NRF1: variants seen among roughly 807,000 people sequenced by gnomAD.
NRF1 encodes the protein alpha palindromic-binding protein.
In NRF1, 5 loss-of-function variants were observed where a neutral mutation model predicts 58.5. That is an observed-to-expected ratio of 0.09 (90% CI 0.04 to 0.18). NRF1 has a LOEUF of 0.18. Among genes scored for constraint, NRF1 ranks in the 10% least tolerant of loss-of-function variants. The pLI, the probability that NRF1 is intolerant of heterozygous loss-of-function variation, is 1.00. For synonymous variants in NRF1, 224 were observed against 246.7 expected (o/e 0.91, Z 0.86); for missense variants, 288 against 657.7 (o/e 0.44, Z 6.15).
intron 10 of NRF1, among the ~76,000 whole-genome samples, chr7:129,745,505 A>AC (rs1803953764): frequency 6.1e-3 from 348 of 57,190 alleles, no homozygotes; most frequent in Middle Eastern, 0.01. Context: ...CATCCCCCTC[A>AC]ACCCCCCCCC....
chr7:129,666,255 C>T lies in NRF1; in HGVS notation c.224-5174C>T, dbSNP rs982521696. On this transcript the variant is annotated intron_variant, in intron 2 of 10. Coordinates refer to ENST00000393232, the MANE Select transcript of NRF1 (RefSeq NM_005011.5). ...AGTGGAACTCTTTCTAATCCTGCTC[C>T]CTTCCCTCCCTCCCTCCACTGGGGT... Among the ~76,000 whole-genome samples, 5 of 151,774 alleles carry T rather than the reference C, an allele frequency of 3.3e-5. No individual in the cohort carries two copies. In the South Asian group the frequency reaches 6.3e-4, roughly 19 times the overall value.
rs535640818 is a variant in NRF1 at position 129,741,222 on chromosome 7, C to T, written c.1349-13796C>T. On this transcript the variant is annotated intron_variant, in intron 10 of 10. Coordinates refer to ENST00000393232, the MANE Select transcript of NRF1 (RefSeq NM_005011.5). This position sits in a 1 kb window ranked among gnomAD's most constrained non-coding sequence, Gnocchi z 4.0. Reference sequence around the variant, plus strand: ...AGCCAGGGACATTCCGAGCAGACAACTCAGGTCAGGGCTTCCGGACAGATT... The same window carrying T: ...AGCCAGGGACATTCCGAGCAGACAATTCAGGTCAGGGCTTCCGGACAGATT... Among the ~76,000 whole-genome samples the T allele has an allele frequency of 1.3e-5, 2 of 152,326 alleles. No homozygotes were observed. Among genetic ancestry groups the T allele is most frequent in the East Asian group, 3.9e-4 (2 of 5,184 alleles).
Position 129,755,018 on chromosome 7 carries a change from G to C in NRF1, c.1349G>C (p.Gly450Ala). ...AACGGTCTTCTCTTTGTCTCTCCAG[G>C]CCTGGTCCAGATCCCTGTGAGCATG... ...GALTGVQDAN[G>A]LVQIPVSMYQ... Residue 450 changes from glycine to alanine, a missense_variant and splice_region_variant, in exon 11 of 11, where the codon GGC (glycine) becomes GCC (alanine). Gly to Ala is a moderately conservative substitution (Grantham distance 60, BLOSUM62 0). Transcript: ENST00000393232. The surrounding 1 kb of genome is among the most constrained non-coding windows in gnomAD (Gnocchi z 5.8). 6.2e-7 allele frequency: 1 copy of C among 1,605,268 alleles called. No homozygotes were observed. The highest frequency in any genetic ancestry group is 8.5e-7 in the Non-Finnish European group (1 of 1,176,524).
intron 1 of NRF1, among the ~76,000 whole-genome samples, chr7:129,652,625 C>T (rs1268203782): frequency 6.6e-6 from 1 of 152,104 alleles, no homozygotes; most frequent in African/African-American, 2.4e-5. Flanking sequence ...GAGACGGAGT[C>T]TCGCTCTGTC....
At chr7:129,656,456 G>T (rs935141518) in intron 1 of NRF1, among the ~76,000 whole-genome samples, 3 of 151,752 alleles carry the variant, frequency 2.0e-5, no homozygotes, top group African/African-American at 7.3e-5. Flanking sequence ...TCTGGGGTGG[G>T]GGGGAGTGGA....
At chr7:129,690,652 T>C in intron 5 of NRF1, 106 bp downstream of exon 5, 1 of 1,213,560 alleles carries the variant, frequency 8.2e-7, no homozygotes, top group Admixed American at 2.0e-5. Context: ...GACCAGGGAG[T>C]GAGATGCTGA....
At chr7:129,640,658 A>G (rs1801269720) in intron 1 of NRF1, among the ~76,000 whole-genome samples, 1 of 152,128 alleles carries the variant, frequency 6.6e-6, no homozygotes, top group South Asian at 2.1e-4. Context: ...ATGAGTGGAG[A>G]CTGTGCTCGG....
chr7:129,625,975 C>G (rs947809828), intron 1 of NRF1, among the ~76,000 whole-genome samples: 5 of 152,114 alleles, frequency 3.3e-5, no homozygotes, highest in Non-Finnish European at 7.4e-5. Context: ...AGCCACCACA[C>G]CCAGCCCCAT....
At chr7:129,671,072 TC>T (rs1802037519) in intron 2 of NRF1, among the ~76,000 whole-genome samples, 1 of 152,146 alleles carries the variant, frequency 6.6e-6, no homozygotes, top group Admixed American at 6.5e-5. Context: ...TTGGCAAACT[TC>T]TCCTCTCAGT....
At chr7:129,612,270 C>G (rs963230226) in intron 1 of NRF1, among the ~76,000 whole-genome samples, 15 of 145,470 alleles carry the variant, frequency 1.0e-4, no homozygotes, top group Non-Finnish European at 2.1e-4. Context: ...TCGGCTCGCC[C>G]CCTCGGCCCT....
intron 5 of NRF1, among the ~76,000 whole-genome samples, chr7:129,691,275 C>G (rs1324301076): frequency 6.6e-6 from 1 of 151,826 alleles, no homozygotes; most frequent in Non-Finnish European, 1.5e-5. Flanking sequence ...GAAATTATCC[C>G]CTTTATATAT....
intron 9 of NRF1, among the ~76,000 whole-genome samples, chr7:129,724,189 CT>C (rs1404350189): frequency 6.6e-6 from 1 of 152,180 alleles, no homozygotes; most frequent in Non-Finnish European, 1.5e-5. Context: ...ATGTCTAAAA[CT>C]CAACAACAAC....
chr7:129,615,253 G>A (rs1218451916), intron 1 of NRF1, among the ~76,000 whole-genome samples: 3 of 152,182 alleles, frequency 2.0e-5, no homozygotes, highest in African/African-American at 7.2e-5. Context: ...GCTGAAGCAG[G>A]CTTATTCATT....
In NRF1 at chr7:129,709,080, G is replaced by A; in HGVS notation, c.612G>A (p.Gln204=). The part of the protein sequence containing the change: ...PVSVDKMTQA[Q]LRAFIPEMLK... ...ACCACACTGTTCTCTTCCAGGCCCA[G>A]CTTCGGGCATTTATCCCAGAGATGC... Residue 204 remains glutamine (Q), a synonymous_variant, in exon 6 of 11, where the codon CAG becomes CAA. Transcript: ENST00000393232. 3.9e-6 allele frequency: 6 copies of A among 1,550,946 alleles called. No homozygotes were observed. The highest frequency in any genetic ancestry group is 4.4e-6 in the Non-Finnish European group (5 of 1,146,476).
intron 4 of NRF1, among the ~76,000 whole-genome samples, chr7:129,684,251 A>G (rs1041341031): frequency 5.9e-5 from 9 of 152,168 alleles, no homozygotes; most frequent in Non-Finnish European, 1.3e-4. Context: ...TAAAACAGAA[A>G]AACTGCTACA....
intron 9 of NRF1, among the ~76,000 whole-genome samples, chr7:129,720,625 G>A (rs1269641126): frequency 6.6e-6 from 1 of 152,198 alleles, no homozygotes; most frequent in Non-Finnish European, 1.5e-5. Flanking sequence ...TGAGAAGGGA[G>A]AGGAAGCTAC....
chr7:129,715,061 AGGGTG>A (rs1411083810), intron 8 of NRF1, among the ~76,000 whole-genome samples: 1 of 152,172 alleles, frequency 6.6e-6, no homozygotes, highest in Admixed American at 6.5e-5. Flanking sequence ...TTCAGTTTTG[AGGGTG>A]GGTAGTTAAT....
At chr7:129,753,926 A>G (rs1343116584) in intron 10 of NRF1, among the ~76,000 whole-genome samples, 2 of 152,190 alleles carry the variant, frequency 1.3e-5, no homozygotes, top group Admixed American at 6.5e-5. Context: ...TCAAGCTGAG[A>G]GAGACTTAAG....
chr7:129,662,913 C>G (rs1406989843), intron 2 of NRF1, among the ~76,000 whole-genome samples: 1 of 152,178 alleles, frequency 6.6e-6, no homozygotes, highest in Non-Finnish European at 1.5e-5. Context: ...GCCTTCGGCC[C>G]TGTTTGTGTC....
Sources: allele counts gnomAD v4.1 joint callset (sites outside exome capture counted in the v4.1 genomes callset), GRCh38; gene constraint gnomAD v4.1.1; non-coding constraint Gnocchi (gnomAD v3.1); transcripts MANE v1.5; gene names NCBI Gene and HGNC (gene_info 2026-07-23, HGNC 2026-07-21).